The following GRAMD1B variants were observed in gnomAD, a reference collection of about 807,000 sequenced individuals.
GRAMD1B encodes GRAM domain containing 1B, also known as protein Aster-B.
A neutral mutation model predicts 99.7 loss-of-function variants in GRAMD1B; 37 were observed. The observed-to-expected ratio is 0.37, with a 90% confidence interval of 0.29 to 0.49. The LOEUF is 0.49. Among genes scored for constraint, GRAMD1B ranks in the 20% least tolerant of loss-of-function variants. The pLI is 0.98. For synonymous variants in GRAMD1B, 427 were observed against 387.6 expected, an observed-to-expected ratio of 1.10 and a Z score of -1.19; for missense variants, 888 against 1,009.2, an observed-to-expected ratio of 0.88 and a Z score of 1.63.
chr11:123,376,807 T>C (rs572389351), intron 1 of GRAMD1B, among the ~76,000 whole-genome samples: 2 of 152,308 alleles, frequency 1.3e-5, no homozygotes, highest in East Asian at 3.9e-4. Flanking sequence ...AATTTGAATT[T>C]TTCCTCCCAC....
At position 123,526,636 on chromosome 11, in the gene GRAMD1B, C is replaced by T. The variant is rs150096827; in HGVS notation, c.452+45743C>T. On this transcript the variant is annotated intron_variant, in intron 2 of 19. Coordinates refer to ENST00000635736, the MANE Select transcript of GRAMD1B (RefSeq NM_001387025.1). ...CCTTTCTCACGTCAGCTGCTTAGGG[C>T]GGGCAGTCCCTAGGGGCATCCCTCT... Among the ~76,000 whole-genome samples the T allele has an allele frequency of 6.0e-4, 92 of 152,184 alleles. No individual in the cohort carries two copies. The East Asian group carries it at 0.017, about 29-fold the overall frequency.
At chr11:123,613,300 G>C in intron 15 of GRAMD1B, 155 bp from the exon 16 acceptor site, 1 of 616,228 alleles carries the variant, frequency 1.6e-6, no homozygotes, top group East Asian at 2.7e-5. Context: ...CTGGGGCTGG[G>C]TCCCACAAGT....
At chr11:123,516,628 T>A (rs951736048) in intron 2 of GRAMD1B, among the ~76,000 whole-genome samples, 1 of 152,134 alleles carries the variant, frequency 6.6e-6, no homozygotes, top group African/African-American at 2.4e-5. Context: ...AGACTTAATG[T>A]AAGTCAGCTG....
Position 123,524,318 on chromosome 11 carries a change from T to TTTTTATTTTATTTTATTTTA in GRAMD1B, c.452+43440_452+43459dup, listed in dbSNP as rs6144546. 1.7e-3 allele frequency among the ~76,000 whole-genome samples: 235 copies of TTTTTATTTTATTTTATTTTA among 137,608 alleles called. 4 individuals are homozygous for TTTTTATTTTATTTTATTTTA. The highest frequency in any genetic ancestry group is 2.5e-3 in the African/African-American group (99 of 39,012). The allele number at this position is 137,608 out of a possible 152,430, so 90.3% of individuals were successfully genotyped here. The stretch of plus-strand genomic sequence containing the variant: ...ACGAGGGTCTGCACTCCAGTTTTTA[T>TTTTTATTTTATTTTATTTTA]TTTTATTTTATTTTATTTTATTTTA... On this transcript the variant is annotated intron_variant, in intron 2 of 19. Transcript: ENST00000635736.
intron 1 of GRAMD1B, among the ~76,000 whole-genome samples, chr11:123,452,738 A>C (rs149298816): frequency 6.4e-4 from 97 of 152,304 alleles, no homozygotes; most frequent in African/African-American, 2.3e-3. Flanking sequence ...GGTCTACTTC[A>C]TTCATTTCAC....
rs148399390 is a variant in GRAMD1B, at chr11:123,604,056, G to A, written c.1166+515G>A. Among the ~76,000 whole-genome samples the A allele has an allele frequency of 2.6e-5, 4 of 152,314 alleles. 1 individual carries two copies. The highest frequency in any genetic ancestry group is 6.8e-3 in the Middle Eastern group (2 of 294). On this transcript the variant is annotated intron_variant, in intron 9 of 19. Transcript: ENST00000635736. ...CCAGAAGGATGGCATTGTTCCAAAC[G>A]GAGATGGACAGTACTGTAGGCAAAG...
chr11:123,481,767 CAG>C (rs1187396752), intron 2 of GRAMD1B, among the ~76,000 whole-genome samples: 1 of 152,144 alleles, frequency 6.6e-6, no homozygotes, highest in Admixed American at 6.5e-5. Flanking sequence ...GAATTGTAGA[CAG>C]AGGTAAATTT....
chr11:123,621,325 T>C (rs748904333), intron 19 of GRAMD1B, among the ~76,000 whole-genome samples: 23 of 152,218 alleles, frequency 1.5e-4, no homozygotes, highest in Non-Finnish European at 3.1e-4. Flanking sequence ...TGGGCCATTT[T>C]ACAATTCTCC....
At position 123,572,052 on chromosome 11, in the gene GRAMD1B, A is replaced by T. The variant is rs902264705; in HGVS notation, c.453-5315A>T. Among the ~76,000 whole-genome samples, 9 of 152,222 alleles carry T rather than the reference A, an allele frequency of 5.9e-5. 1 individual carries two copies. The highest frequency in any genetic ancestry group is 5.2e-4 in the Admixed American group (8 of 15,282). ...GCACACAGATCCTTTCTCATTCACCAAAATGAACTTGAATGCCTCACATAT... is the reference window on the plus strand; with the variant it reads ...GCACACAGATCCTTTCTCATTCACCTAAATGAACTTGAATGCCTCACATAT... On this transcript the variant is annotated intron_variant, in intron 2 of 19. Coordinates refer to ENST00000635736, the MANE Select transcript of GRAMD1B (RefSeq NM_001387025.1).
intron 1 of GRAMD1B, among the ~76,000 whole-genome samples, chr11:123,476,780 C>T (rs1410450305): frequency 6.6e-6 from 1 of 151,764 alleles, no homozygotes; most frequent in Non-Finnish European, 1.5e-5. Context: ...ACTAGAATGC[C>T]TTTTCTTCTC....
intron 2 of GRAMD1B, among the ~76,000 whole-genome samples, chr11:123,569,753 T>G (rs986260124): frequency 6.6e-6 from 1 of 152,228 alleles, no homozygotes; most frequent in Non-Finnish European, 1.5e-5. Flanking sequence ...GGAATCAGCA[T>G]GAGGATAGGA....
chr11:123,506,638 A>G (rs778867109), intron 2 of GRAMD1B, among the ~76,000 whole-genome samples: 5 of 152,224 alleles, frequency 3.3e-5, no homozygotes, highest in Admixed American at 6.5e-5. Flanking sequence ...TACATACAAT[A>G]GAGAAACTAT....
chr11:123,391,346 C>A (rs1208956204), intron 1 of GRAMD1B, among the ~76,000 whole-genome samples: 1 of 152,158 alleles, frequency 6.6e-6, no homozygotes, highest in African/African-American at 2.4e-5. Context: ...CTTTCTCAGA[C>A]CTTGTATAAT....
At chr11:123,373,799 C>G (rs1194860018) in intron 1 of GRAMD1B, among the ~76,000 whole-genome samples, 2 of 152,190 alleles carry the variant, frequency 1.3e-5, no homozygotes, top group East Asian at 3.8e-4. Flanking sequence ...CTGTGAAACC[C>G]TAAACAAAAT....
At chr11:123,404,603 G>A (rs1947788764) in intron 1 of GRAMD1B, among the ~76,000 whole-genome samples, 1 of 152,206 alleles carries the variant, frequency 6.6e-6, no homozygotes, top group African/African-American at 2.4e-5. Flanking sequence ...GCTAGGGTTA[G>A]GGTAGTACTC....
chr11:123,605,555 A>G (rs1385811528), intron 10 of GRAMD1B, 77 bp downstream of exon 10: 3 of 1,179,548 alleles, frequency 2.5e-6, no homozygotes, highest in East Asian at 5.1e-5. Flanking sequence ...TGGGAACCCA[A>G]TCTGGGGAGC....
intron 1 of GRAMD1B, among the ~76,000 whole-genome samples, chr11:123,440,279 C>T (rs951824471): frequency 2.6e-5 from 4 of 152,064 alleles, no homozygotes; most frequent in African/African-American, 4.8e-5. Context: ...GGGAGGCCAA[C>T]GCAGGCAGAT....
At position 123,510,896 on chromosome 11, in the gene GRAMD1B, A is replaced by T. The variant is rs969763463; in HGVS notation, c.452+30003A>T. Among the ~76,000 whole-genome samples the T allele has an allele frequency of 3.9e-5, 6 of 152,150 alleles. No individual in the cohort carries two copies. The highest frequency in any genetic ancestry group is 8.8e-5 in the Non-Finnish European group (6 of 68,036). Reference sequence around the variant, plus strand: ...GGAGGTGCCAGGTCCTACAAAGCACATGCCCCACCTTGGTGTGCTTGGAAG... The same window carrying T: ...GGAGGTGCCAGGTCCTACAAAGCACTTGCCCCACCTTGGTGTGCTTGGAAG... On this transcript the variant is annotated intron_variant, in intron 2 of 19. Coordinates refer to ENST00000635736, the MANE Select transcript of GRAMD1B (RefSeq NM_001387025.1). The surrounding 1 kb of genome is among the most constrained non-coding windows in gnomAD (Gnocchi z 4.3).
chr11:123,595,750 G>A (rs1377249374), intron 6 of GRAMD1B, among the ~76,000 whole-genome samples, 192 bp from the exon 7 acceptor site: 2 of 152,190 alleles, frequency 1.3e-5, no homozygotes, highest in African/African-American at 2.4e-5. Flanking sequence ...ACAAGGCTCA[G>A]TCCCCACTTT....
Sources: allele counts gnomAD v4.1 joint callset (sites outside exome capture counted in the v4.1 genomes callset), GRCh38; gene constraint gnomAD v4.1.1; non-coding constraint Gnocchi (gnomAD v3.1); transcripts MANE v1.5; gene names NCBI Gene and HGNC (gene_info 2026-07-23, HGNC 2026-07-21).